Variants in ANAPC10 observed in about 807,000 individuals in gnomAD.
ANAPC10 encodes the protein anaphase promoting complex subunit 10.
Under a neutral mutation model 22.0 loss-of-function variants are expected in ANAPC10, and 12 were observed. That is an observed-to-expected ratio of 0.55 (90% CI 0.35 to 0.88). The LOEUF (loss-of-function observed/expected upper bound fraction) is 0.88, where lower values mean the gene tolerates loss of function less well. Among genes scored for constraint, ANAPC10 ranks in the 40% least tolerant of loss-of-function variants. The probability of loss-of-function intolerance (pLI) is 0.01; values close to 1 mark genes in which losing one functional copy is unlikely to be tolerated. For missense variants in ANAPC10, 188 were observed against 220.9 expected, an observed-to-expected ratio of 0.85 and a Z score of 0.94; for synonymous variants, 65 against 69.5, an observed-to-expected ratio of 0.94 and a Z score of 0.32.
intron 4 of ANAPC10, among the ~76,000 whole-genome samples, chr4:144,998,990 C>T (rs149958366): frequency 5.9e-5 from 9 of 152,274 alleles, no homozygotes; most frequent in Non-Finnish European, 1.2e-4. Context: ...ATAAACACCT[C>T]TACGCAAATA....
At chr4:145,006,149 T>C (rs894545956) in intron 4 of ANAPC10, among the ~76,000 whole-genome samples, 1 of 152,196 alleles carries the variant, frequency 6.6e-6, no homozygotes, top group Non-Finnish European at 1.5e-5. Context: ...GTTGACTGCA[T>C]ATATATTTAG....
chr4:145,021,901 C>T (rs1347162363), intron 4 of ANAPC10, among the ~76,000 whole-genome samples: 2 of 152,080 alleles, frequency 1.3e-5, no homozygotes, highest in Non-Finnish European at 1.5e-5. Flanking sequence ...AAATGGCCAA[C>T]AAACATACGA....
intron 4 of ANAPC10, among the ~76,000 whole-genome samples, chr4:145,014,545 C>G (rs1391596778): frequency 6.6e-6 from 1 of 152,018 alleles, no homozygotes; most frequent in African/African-American, 2.4e-5. Flanking sequence ...CTTGGGAGTT[C>G]TAGGCCCCCC....
chr4:145,085,659 TATC>T (rs1041716535), intron 2 of ANAPC10, among the ~76,000 whole-genome samples: 18 of 152,180 alleles, frequency 1.2e-4, no homozygotes, highest in South Asian at 4.1e-4. Context: ...GCTTAGAAAG[TATC>T]ATAGTACAAC....
At chr4:145,082,551 T>C (rs1238606835) in intron 2 of ANAPC10, among the ~76,000 whole-genome samples, 1 of 152,220 alleles carries the variant, frequency 6.6e-6, no homozygotes, top group African/African-American at 2.4e-5. Flanking sequence ...AATAAACACA[T>C]TCTAATAAGT....
rs1747534380 is a variant in ANAPC10, at chr4:145,090,613, T to G, written c.115+5372A>C. Among the ~76,000 whole-genome samples, 3 of 152,374 alleles carry G rather than the reference T, an allele frequency of 2.0e-5. No individual in the cohort carries two copies. In the South Asian group the frequency reaches 6.2e-4, roughly 32 times the overall value. On this transcript the variant is annotated intron_variant, in intron 2 of 4. Transcript: ENST00000507656. Reference sequence around the variant, plus strand: ...ATTCCAGAATTTCCTGCTTATCATGTGATCTTTGTCAAATTACTTAATCTT... The same window carrying G: ...ATTCCAGAATTTCCTGCTTATCATGGGATCTTTGTCAAATTACTTAATCTT...
At chr4:145,057,008 C>G (rs1007196814) in intron 4 of ANAPC10, among the ~76,000 whole-genome samples, 1 of 152,082 alleles carries the variant, frequency 6.6e-6, no homozygotes, top group Non-Finnish European at 1.5e-5. Flanking sequence ...TGCAAAAGAT[C>G]ACTTGAAAAA....
intron 2 of ANAPC10, among the ~76,000 whole-genome samples, chr4:145,095,242 T>C (rs957162254): frequency 2.0e-5 from 3 of 152,242 alleles, no homozygotes; most frequent in Non-Finnish European, 2.9e-5. Context: ...TGGTCAATCA[T>C]GGTTCAAAAT....
intron 4 of ANAPC10, among the ~76,000 whole-genome samples, chr4:145,030,965 C>T (rs1475180204): frequency 6.6e-6 from 1 of 152,178 alleles, no homozygotes; most frequent in East Asian, 1.9e-4. Flanking sequence ...AGTGGTGACT[C>T]CAATTGCAGC....
At chr4:145,058,534 T>C (rs1224891436) in intron 4 of ANAPC10, among the ~76,000 whole-genome samples, 1 of 152,184 alleles carries the variant, frequency 6.6e-6, no homozygotes, top group South Asian at 2.1e-4. Flanking sequence ...TGTGACTTTA[T>C]TGTATCCCCA....
At chr4:145,081,869 T>C in intron 2 of ANAPC10, 119 bp from the exon 3 acceptor site, 1 of 752,524 alleles carries the variant, frequency 1.3e-6, no homozygotes, top group East Asian at 2.8e-5. Context: ...GTCAGAAATA[T>C]TAATTTTTTT....
chr4:145,091,384 T>TA (rs754290286), intron 2 of ANAPC10, among the ~76,000 whole-genome samples: 2 of 152,198 alleles, frequency 1.3e-5, no homozygotes, highest in African/African-American at 2.4e-5. Flanking sequence ...ACTGACACAA[T>TA]ATGGCACCAG....
chr4:145,066,684 G>C (rs926821342), intron 3 of ANAPC10, among the ~76,000 whole-genome samples: 1 of 151,938 alleles, frequency 6.6e-6, no homozygotes, highest in African/African-American at 2.4e-5. Context: ...TGAATATTTT[G>C]TGTCTGGCCC....
intron 3 of ANAPC10, among the ~76,000 whole-genome samples, chr4:145,070,070 A>G (rs2126511780): frequency 6.6e-6 from 1 of 152,340 alleles, no homozygotes; most frequent in Non-Finnish European, 1.5e-5. Context: ...ACATATATAA[A>G]GATTTCTGAA....
intron 4 of ANAPC10, among the ~76,000 whole-genome samples, chr4:145,015,058 CT>C (rs1734893421): frequency 2.0e-5 from 3 of 151,990 alleles, no homozygotes; most frequent in Admixed American, 6.6e-5. Context: ...ATCATATTGG[CT>C]CACCAGCAGT....
chr4:145,079,907 A>C (rs35505126), intron 3 of ANAPC10, among the ~76,000 whole-genome samples: 29,857 of 151,860 alleles, frequency 0.2, 3,406 homozygotes, highest in East Asian at 0.45. Context: ...TGAGGTCAGG[A>C]GTTTGAGACC....
At chr4:145,057,358 T>C (rs1430005895) in intron 4 of ANAPC10, among the ~76,000 whole-genome samples, 1 of 152,168 alleles carries the variant, frequency 6.6e-6, no homozygotes, top group African/African-American at 2.4e-5. Context: ...TCAGTCCCTA[T>C]CTGCCTAGAT....
At chr4:145,000,098 C>T (rs1382213687) in intron 4 of ANAPC10, among the ~76,000 whole-genome samples, 1 of 152,188 alleles carries the variant, frequency 6.6e-6, no homozygotes, top group African/African-American at 2.4e-5. Flanking sequence ...ACCATAAAAA[C>T]CCTAGAAGAA....
intron 2 of ANAPC10, among the ~76,000 whole-genome samples, chr4:145,083,638 A>G (rs1454902005): frequency 2.0e-5 from 3 of 152,314 alleles, no homozygotes; most frequent in East Asian, 3.9e-4. Flanking sequence ...TTAAATATAT[A>G]TCTAATGTTT....
Sources: allele counts gnomAD v4.1 joint callset (sites outside exome capture counted in the v4.1 genomes callset), GRCh38; gene constraint gnomAD v4.1.1; transcripts MANE v1.5; gene names NCBI Gene and HGNC (gene_info 2026-07-23, HGNC 2026-07-21).